The following LIN28B variants were observed in gnomAD, a reference collection of about 807,000 sequenced individuals.
LIN28B encodes protein lin-28 homolog B.
A neutral mutation model predicts 21.9 loss-of-function variants in LIN28B; 5 were observed. The ratio of observed to expected loss-of-function variants is 0.23; its 90% CI spans 0.12 to 0.48. The LOEUF (loss-of-function observed/expected upper bound fraction) is 0.48, where lower values mean the gene tolerates loss of function less well. LIN28B is among the 20% of genes least tolerant of loss of function. LIN28B has a pLI of 0.98. For missense variants in LIN28B, 245 were observed against 310.5 expected (o/e 0.79, Z 1.58); for synonymous variants, 109 against 111.3 (o/e 0.98, Z 0.13).
chr6:105,068,401 A>G (rs1772262513), intron 3 of LIN28B, among the ~76,000 whole-genome samples: 1 of 152,224 alleles, frequency 6.6e-6, no homozygotes, highest in Admixed American at 6.6e-5. Context: ...TTCTCATCAT[A>G]TAATCAGATG....
At position 105,078,928 on chromosome 6, in the gene LIN28B, A is replaced by G. The variant is rs1312143680; in HGVS notation, c.*145A>G. On this transcript the variant is annotated 3_prime_UTR_variant, in exon 4 of 4. Coordinates refer to ENST00000345080, the MANE Select transcript of LIN28B (RefSeq NM_001004317.4). ...TGTGAATTTTTTAAACAGACAAATC[A>G]CTCTAAGCAAATTACATTTGAGCAG... The G allele has an allele frequency of 3.5e-6, 3 of 848,892 alleles. No homozygotes were observed. The highest frequency in any genetic ancestry group is 5.4e-6 in the Non-Finnish European group (3 of 558,500). 52.6% of individuals were successfully genotyped at this position (848,892 alleles called of 1,614,324 possible).
intron 3 of LIN28B, among the ~76,000 whole-genome samples, chr6:105,064,517 T>C (rs1772184678): frequency 1.3e-5 from 2 of 152,162 alleles, no homozygotes; most frequent in South Asian, 4.1e-4. Context: ...GTTCCAGATG[T>C]TTTCCACTGA....
At chr6:105,050,803 C>G (rs1554190205) in intron 3 of LIN28B, among the ~76,000 whole-genome samples, 2 of 150,034 alleles carry the variant, frequency 1.3e-5, no homozygotes, top group South Asian at 4.2e-4. Flanking sequence ...ATTTTTTTTT[C>G]TTTTAGACAG....
At chr6:104,967,433 TAGAC>T (rs1769884498) in intron 2 of LIN28B, among the ~76,000 whole-genome samples, 1 of 151,418 alleles carries the variant, frequency 6.6e-6, no homozygotes, top group Non-Finnish European at 1.5e-5. Context: ...TACAAAAAAT[TAGAC>T]AGGCCTGGTG....
intron 2 of LIN28B, among the ~76,000 whole-genome samples, chr6:105,003,724 A>G (rs1770761065): frequency 6.6e-6 from 1 of 152,094 alleles, no homozygotes; most frequent in African/African-American, 2.4e-5. Context: ...TATGTTAGCC[A>G]GGCTGGTCTC....
intron 3 of LIN28B, among the ~76,000 whole-genome samples, chr6:104,950,740 A>C (rs1460927246): frequency 1.4e-5 from 2 of 144,176 alleles, no homozygotes; most frequent in Admixed American, 7.0e-5. Context: ...CTTTCCCCCC[A>C]CCCCCACTTT....
intron 2 of LIN28B, among the ~76,000 whole-genome samples, chr6:104,967,875 T>G (rs1275154284): frequency 6.6e-6 from 1 of 151,990 alleles, no homozygotes; most frequent in East Asian, 1.9e-4. Flanking sequence ...TTTTTAAAAT[T>G]TTTTGTAGAG....
At chr6:105,071,026 A>G (rs750960114) in intron 3 of LIN28B, among the ~76,000 whole-genome samples, 1 of 152,024 alleles carries the variant, frequency 6.6e-6, no homozygotes, top group Non-Finnish European at 1.5e-5. Context: ...ATAGGCACGC[A>G]CTACCATGCC....
chr6:105,007,533 T>C (rs77664370), intron 2 of LIN28B, among the ~76,000 whole-genome samples: 3,356 of 147,610 alleles, frequency 0.023, 130 homozygotes, highest in African/African-American at 0.079. Flanking sequence ...ATATATCTCT[T>C]TTTTTTTTTT....
In LIN28B at chr6:105,081,487, A is replaced by G. The variant is rs758831120; in HGVS notation, c.*2704A>G. 1.3e-5 allele frequency: 2 copies of G among 152,638 alleles called. No individual in the cohort carries two copies. The highest frequency in any genetic ancestry group is 2.9e-5 in the Non-Finnish European group (2 of 68,056). 9.5% of individuals were successfully genotyped at this position (152,638 alleles called of 1,614,324 possible). On this transcript the variant is annotated 3_prime_UTR_variant, in exon 4 of 4. Coordinates refer to ENST00000345080, the MANE Select transcript of LIN28B (RefSeq NM_001004317.4). ...CCTGTATGTATGCTGTTCCAGCCTT[A>G]CAGGTGGCTGATAATTCTCTGGTAC...
intron 2 of LIN28B, among the ~76,000 whole-genome samples, chr6:104,986,201 C>T (rs1430586143): frequency 6.6e-6 from 1 of 152,102 alleles, no homozygotes; most frequent in African/African-American, 2.4e-5. Context: ...CACCTTCTGC[C>T]ATGATTGTAA....
chr6:105,063,702 A>G (rs1425513935), intron 3 of LIN28B, among the ~76,000 whole-genome samples: 1 of 151,602 alleles, frequency 6.6e-6, no homozygotes, highest in East Asian at 1.9e-4. Context: ...CTATTTTATC[A>G]TCACTTGCTG....
intron 2 of LIN28B, among the ~76,000 whole-genome samples, chr6:105,020,322 G>A (rs936814808): frequency 2.0e-5 from 3 of 150,824 alleles, no homozygotes; most frequent in Admixed American, 1.3e-4. Context: ...TTGTTGGGAA[G>A]AGGAAAGCAA....
intron 3 of LIN28B, among the ~76,000 whole-genome samples, chr6:105,030,242 A>C (rs2114347603): frequency 6.6e-6 from 1 of 152,338 alleles, no homozygotes; most frequent in Admixed American, 6.5e-5. Context: ...AACTGACACC[A>C]TGAGAAAACA....
At chr6:105,012,196 G>A (rs540570799) in intron 2 of LIN28B, among the ~76,000 whole-genome samples, 3 of 151,390 alleles carry the variant, frequency 2.0e-5, no homozygotes, top group African/African-American at 7.3e-5. Context: ...GGCTGGGTGC[G>A]GTGGCTCACA....
intron 3 of LIN28B, among the ~76,000 whole-genome samples, chr6:105,071,923 A>T (rs1408527824): frequency 6.6e-6 from 1 of 152,232 alleles, no homozygotes; most frequent in Non-Finnish European, 1.5e-5. Flanking sequence ...GTTTTTCAAC[A>T]TGTAAAGTAT....
At chr6:105,007,643 G>A (rs1770843971) in intron 2 of LIN28B, among the ~76,000 whole-genome samples, 1 of 150,984 alleles carries the variant, frequency 6.6e-6, no homozygotes, top group Non-Finnish European at 1.5e-5. Context: ...TCCCACCTTA[G>A]CCTCCTGAAT....
chr6:104,975,506 A>AT (rs2114596932), intron 2 of LIN28B, among the ~76,000 whole-genome samples: 1 of 152,224 alleles, frequency 6.6e-6, no homozygotes, highest in East Asian at 1.9e-4. Flanking sequence ...ACTTCTCTCT[A>AT]CCAAGCCTTC....
chr6:105,016,784 C>T (rs1771036722), intron 2 of LIN28B, among the ~76,000 whole-genome samples: 3 of 152,020 alleles, frequency 2.0e-5, no homozygotes, highest in South Asian at 4.1e-4. Flanking sequence ...TGGCAGAGCG[C>T]GGTGGCTCAT....
Sources: gnomAD v4.1 joint callset for allele counts (sites outside exome capture counted in the v4.1 genomes callset) on GRCh38, gnomAD v4.1.1 for gene constraint, MANE v1.5 for transcripts, NCBI Gene and HGNC (gene_info 2026-07-23, HGNC 2026-07-21) for gene names.